The following RERE variants were observed in gnomAD, a reference collection of about 807,000 sequenced individuals.
RERE encodes the protein arginine-glutamic acid dipeptide repeats protein.
RERE carries 40 observed loss-of-function variants against 146.1 expected under a neutral mutation model. The ratio of observed to expected loss-of-function variants is 0.27; its 90% CI spans 0.21 to 0.36. RERE has a LOEUF of 0.36. RERE is among the 10% of genes least tolerant of loss of function. RERE has a pLI of 1.00. For synonymous variants in RERE, 1,003 were observed against 866.0 expected, an observed-to-expected ratio of 1.16 and a Z score of -2.78; for missense variants, 1,933 against 2,138.7, an observed-to-expected ratio of 0.90 and a Z score of 1.90.
intron 11 of RERE, among the ~76,000 whole-genome samples, chr1:8,439,153 AAC>A (rs1456690470): frequency 6.6e-6 from 1 of 152,198 alleles, no homozygotes; most frequent in African/African-American, 2.4e-5. Context: ...TGGCTGAAAC[AAC>A]AGACTTCTCT....
intron 6 of RERE, among the ~76,000 whole-genome samples, chr1:8,553,511 C>G (rs1354260943): frequency 6.6e-6 from 1 of 152,180 alleles, no homozygotes; most frequent in African/African-American, 2.4e-5. Flanking sequence ...CCAGCTTGTT[C>G]AGTGACCAAA....
intron 1 of RERE, among the ~76,000 whole-genome samples, chr1:8,787,830 CAA>C (rs1254862943): frequency 6.8e-5 from 8 of 117,908 alleles, no homozygotes; most frequent in Middle Eastern, 5.0e-3. Flanking sequence ...GACTCTGCCT[CAA>C]AAAAAAAAAA....
intron 8 of RERE, among the ~76,000 whole-genome samples, chr1:8,498,791 G>A (rs1645087170): frequency 7.2e-6 from 1 of 138,360 alleles, no homozygotes; most frequent in Non-Finnish European, 1.5e-5. Flanking sequence ...ATTGACCTGT[G>A]GTAACAGAAA....
intron 1 of RERE, among the ~76,000 whole-genome samples, chr1:8,682,848 C>T (rs999851636): frequency 2.6e-5 from 4 of 151,880 alleles, no homozygotes; most frequent in Non-Finnish European, 4.4e-5. Context: ...GTGATTCTTT[C>T]GCATGCCTTA....
intron 4 of RERE, among the ~76,000 whole-genome samples, chr1:8,580,867 T>C (rs921478415): frequency 3.3e-5 from 5 of 152,070 alleles, no homozygotes; most frequent in Admixed American, 2.0e-4. Flanking sequence ...TTTTTTATTT[T>C]TGTTTTTGTA....
intron 15 of RERE, 110 bp from the exon 16 acceptor site, chr1:8,362,954 AG>A: frequency 8.1e-7 from 1 of 1,238,252 alleles, no homozygotes; most frequent in Non-Finnish European, 1.1e-6. Context: ...TCAGCCTCTC[AG>A]CAAATCCCAG....
chr1:8,805,136 C>G (rs1385888028), intron 1 of RERE, among the ~76,000 whole-genome samples: 1 of 150,870 alleles, frequency 6.6e-6, no homozygotes, highest in Admixed American at 6.6e-5. Flanking sequence ...TCCCGAGTAG[C>G]TAGGATTACA....
At chr1:8,684,045 A>C (rs2124402808) in intron 1 of RERE, among the ~76,000 whole-genome samples, 1 of 152,332 alleles carries the variant, frequency 6.6e-6, no homozygotes, top group Non-Finnish European at 1.5e-5. Context: ...TTTCCTTCAA[A>C]GCCAGGTTAA....
intron 7 of RERE, 120 bp from the exon 8 acceptor site, chr1:8,508,795 C>T (rs1277892032): frequency 2.0e-5 from 15 of 752,704 alleles, no homozygotes; most frequent in East Asian, 2.6e-5. Flanking sequence ...GAAGAATTAA[C>T]GTCCCCACTA....
intron 7 of RERE, among the ~76,000 whole-genome samples, chr1:8,527,170 T>A (rs1570393150): frequency 6.6e-6 from 1 of 152,302 alleles, no homozygotes; most frequent in South Asian, 2.1e-4. Context: ...TAAACTCTTA[T>A]CCTGCCGATA....
chr1:8,795,372 A>G (rs1167844819), intron 1 of RERE, among the ~76,000 whole-genome samples: 1 of 150,984 alleles, frequency 6.6e-6, no homozygotes, highest in Non-Finnish European at 1.5e-5. Context: ...TACGTTGCCC[A>G]GGCTGGCCTC....
intron 6 of RERE, among the ~76,000 whole-genome samples, chr1:8,544,738 T>C (rs1300215821): frequency 6.6e-6 from 1 of 152,206 alleles, no homozygotes; most frequent in Non-Finnish European, 1.5e-5. Context: ...TACATTGTAC[T>C]GTATATTAAA....
chr1:8,642,186 T>C (rs1407104066), intron 2 of RERE, among the ~76,000 whole-genome samples: 1 of 152,238 alleles, frequency 6.6e-6, no homozygotes, highest in Non-Finnish European at 1.5e-5. Context: ...GATTTTAATA[T>C]AGGACTGGCC....
At chr1:8,385,188 G>A (rs539489294) in intron 12 of RERE, among the ~76,000 whole-genome samples, 9 of 152,182 alleles carry the variant, frequency 5.9e-5, no homozygotes, top group Non-Finnish European at 1.3e-4. Context: ...AATTTAACAT[G>A]TTCACTGTCT....
intron 1 of RERE, among the ~76,000 whole-genome samples, chr1:8,755,016 G>A (rs573726340): frequency 1.3e-5 from 2 of 152,204 alleles, no homozygotes; most frequent in Non-Finnish European, 2.9e-5. Flanking sequence ...ACTATCTACT[G>A]AAAGGCAAGC....
chr1:8,719,666 T>C (rs1251534105), intron 1 of RERE, among the ~76,000 whole-genome samples: 1 of 152,204 alleles, frequency 6.6e-6, no homozygotes, highest in Non-Finnish European at 1.5e-5. Context: ...TGTATTCAAA[T>C]AATCTTCATT....
intron 12 of RERE, among the ~76,000 whole-genome samples, chr1:8,391,297 G>C (rs927059209): frequency 5.3e-5 from 8 of 152,144 alleles, no homozygotes; most frequent in Non-Finnish European, 1.2e-4. Flanking sequence ...TCCTATCTAT[G>C]TGGTCAATGA....
chr1:8,471,881 G>A (rs1644691033), intron 10 of RERE, among the ~76,000 whole-genome samples: 1 of 152,026 alleles, frequency 6.6e-6, no homozygotes, highest in Non-Finnish European at 1.5e-5. Context: ...GCATGATCTC[G>A]GCTCATTACA....
chr1:8,629,982 T>C (rs972319471), intron 2 of RERE, among the ~76,000 whole-genome samples: 1 of 152,140 alleles, frequency 6.6e-6, no homozygotes, highest in African/African-American at 2.4e-5. Flanking sequence ...GGAAGTTGAC[T>C]CTCAGGACTG....
Sources: allele counts gnomAD v4.1 joint callset (sites outside exome capture counted in the v4.1 genomes callset), GRCh38; gene constraint gnomAD v4.1.1; transcripts MANE v1.5; gene names NCBI Gene and HGNC (gene_info 2026-07-23, HGNC 2026-07-21).